Variants in PYGO1 observed in about 807,000 individuals in gnomAD.
The protein encoded by PYGO1 is pygopus homolog 1.
PYGO1 carries 6 observed loss-of-function variants against 29.5 expected under a neutral mutation model. The observed-to-expected ratio is 0.20, with a 90% CI of 0.11 to 0.40. The LOEUF (loss-of-function observed/expected upper bound fraction) is 0.40. Ranked by LOEUF, PYGO1 falls within the 10% of genes least tolerant of loss-of-function variation. The pLI is 1.00. For missense variants in PYGO1, 515 were observed against 514.9 expected (o/e 1.00, Z 0.00); for synonymous variants, 186 against 180.5 (o/e 1.03, Z -0.24).
chr15:55,569,919 C>T (rs1444537725), intron 1 of PYGO1, among the ~76,000 whole-genome samples: 1 of 152,198 alleles, frequency 6.6e-6, no homozygotes, highest in Admixed American at 6.5e-5. Context: ...TGTACACAAC[C>T]AGATTTAAAA....
chr15:55,547,044 G>A lies in PYGO1; in HGVS notation c.239C>T (p.Ser80Phe). The A allele has an allele frequency of 6.2e-7, 1 of 1,613,784 alleles. No homozygotes were observed. Among genetic ancestry groups the A allele is most frequent in the Non-Finnish European group, 8.5e-7 (1 of 1,179,756 alleles). ...ATTTGACGAAGGTAGTGGTTTATAG[G>A]AAATAGTATTATAGTTGTCATCAAA... is the stretch of plus-strand genomic sequence containing the variant. ...NPFDDNYNTI[S>F]YKPLPSSNPY... is the part of the protein sequence containing the mutation. Residue 80 changes from serine to phenylalanine, a missense_variant, in exon 3 of 3, where the codon TCC (serine) becomes TTC (phenylalanine). Ser to Phe is a radical substitution (Grantham distance 155, BLOSUM62 -2). Coordinates refer to ENST00000563719, the MANE Select transcript of PYGO1 (RefSeq NM_001367806.1).
chr15:55,559,347 T>A (rs200784563), intron 1 of PYGO1, among the ~76,000 whole-genome samples: 16,868 of 151,858 alleles, frequency 0.11, 1,790 homozygotes, highest in East Asian at 0.36. Flanking sequence ...CTGGAGAGGA[T>A]GTGGAGAAAT....
chr15:55,551,766 C>T (rs2058879738), intron 1 of PYGO1, among the ~76,000 whole-genome samples: 1 of 151,958 alleles, frequency 6.6e-6, no homozygotes, highest in Non-Finnish European at 1.5e-5. Flanking sequence ...GTGAAGATGC[C>T]ACTGCACTCT....
chr15:55,562,408 A>C (rs1030190440), intron 1 of PYGO1, among the ~76,000 whole-genome samples: 2 of 152,242 alleles, frequency 1.3e-5, no homozygotes, highest in African/African-American at 4.8e-5. Flanking sequence ...GTGGTGGCTC[A>C]TGCCTGTAAT....
chr15:55,554,326 G>A (rs1394909791), intron 1 of PYGO1, among the ~76,000 whole-genome samples: 1 of 151,952 alleles, frequency 6.6e-6, no homozygotes. Context: ...AAAATTATCA[G>A]GGTGTGGTGG....
At chr15:55,561,223 A>T (rs546327598) in intron 1 of PYGO1, among the ~76,000 whole-genome samples, 96 of 152,312 alleles carry the variant, frequency 6.3e-4, no homozygotes, top group Non-Finnish European at 1.2e-3. Context: ...TCTGACAAAA[A>T]TCTGCAATGG....
Position 55,547,088 on chromosome 15 carries a change from A to G in PYGO1, c.195T>C (p.His65=). The change falls in exon 3 of 3, where the codon CAT becomes CAC. Residue 65 remains histidine, a synonymous_variant. Transcript: ENST00000563719. Reference sequence around the variant, plus strand: ...CATCAAATGGATTAGCAGCCACTAGATGGTCAGAGTTTGGATTCGGTGGTG... The same window carrying G: ...CATCAAATGGATTAGCAGCCACTAGGTGGTCAGAGTTTGGATTCGGTGGTG... ...YAPPPNPNSD[H]LVAANPFDDN... is the part of the protein sequence containing the mutation. The G allele has an allele frequency of 6.2e-7, 1 of 1,612,332 alleles. No homozygotes were observed. Among genetic ancestry groups the G allele is most frequent in the South Asian group, 1.1e-5 (1 of 91,036 alleles).
At chr15:55,568,550 G>T (rs1404700560) in intron 1 of PYGO1, among the ~76,000 whole-genome samples, 2 of 152,106 alleles carry the variant, frequency 1.3e-5, no homozygotes, top group Admixed American at 6.5e-5. Flanking sequence ...TCAGCAAAGA[G>T]AAATAGTTTG....
Position 55,546,578 on chromosome 15 carries a change from T to A in PYGO1, c.705A>T (p.Pro235=). The A allele has an allele frequency of 6.2e-7, 1 of 1,613,874 alleles. No homozygotes were observed. Among genetic ancestry groups the A allele is most frequent in the Non-Finnish European group, 8.5e-7 (1 of 1,179,972 alleles). The change falls in exon 3 of 3, where the codon CCA becomes CCT. Residue 235 remains proline, a synonymous_variant. Coordinates refer to ENST00000563719, the MANE Select transcript of PYGO1 (RefSeq NM_001367806.1). ...CTTGAGTAAAGTCTTGTTTTGGGGG[T>A]GGTGCTTTTGCTTGACCAAAAGTGT... ...PPNTFGQAKA[P]PPKQDFTQGA... is the part of the protein sequence containing the mutation.
At chr15:55,588,656 G>C, upstream of PYGO1, 1 of 667,204 alleles carries the variant, frequency 1.5e-6, no homozygotes. Flanking sequence ...GCGCTCCCTC[G>C]CCGACCGCCA....
intron 1 of PYGO1, among the ~76,000 whole-genome samples, chr15:55,554,393 T>C (rs2141652198): frequency 6.8e-6 from 1 of 146,632 alleles, no homozygotes; most frequent in Admixed American, 6.9e-5. Flanking sequence ...GGCGTGAACA[T>C]GGGAGGTGGA....
intron 1 of PYGO1, among the ~76,000 whole-genome samples, chr15:55,577,218 A>AT: frequency 6.6e-6 from 1 of 152,280 alleles, no homozygotes; most frequent in South Asian, 2.1e-4. Context: ...TAAATTATGT[A>AT]TTCAGTGAAA....
rs1405283223 is a variant in PYGO1 at position 55,546,252 on chromosome 15, C to T, written c.1031G>A (p.Gly344Glu). Residue 344 changes from glycine to glutamate, a missense_variant, in exon 3 of 3, where the codon GGA becomes GAA. Coordinates refer to ENST00000563719, the MANE Select transcript of PYGO1 (RefSeq NM_001367806.1). The stretch of plus-strand genomic sequence containing the variant: ...ATCGTTCACCTCGTTTGTACAAATT[C>T]CACAAGGATACACTGGGTCAGAAGA... ...HSSSDPVYPC[G>E]ICTNEVNDDQ... The T allele has an allele frequency of 6.2e-6, 10 of 1,614,158 alleles. No individual in the cohort carries two copies. The highest frequency in any genetic ancestry group is 2.2e-5 in the East Asian group (1 of 44,888).
chr15:55,564,230 T>A (rs1345298738), intron 1 of PYGO1, among the ~76,000 whole-genome samples: 1 of 152,196 alleles, frequency 6.6e-6, no homozygotes, highest in Non-Finnish European at 1.5e-5. Context: ...GAAACATTAC[T>A]CAGCCATAAA....
rs748090860 is a variant in PYGO1 at position 55,546,238 on chromosome 15, C to T, written c.1045G>A (p.Glu349Lys). The T allele has an allele frequency of 6.2e-6, 10 of 1,614,164 alleles. No individual in the cohort carries two copies. The highest frequency in any genetic ancestry group is 2.2e-5 in the East Asian group (1 of 44,884). Residue 349 changes from glutamate to lysine, a missense_variant, in exon 3 of 3, where the codon GAG becomes AAG. Coordinates refer to ENST00000563719, the MANE Select transcript of PYGO1 (RefSeq NM_001367806.1). Reference sequence around the variant, plus strand: ...ATGGCATCCTGATCATCGTTCACCTCGTTTGTACAAATTCCACAAGGATAC... The same window carrying T: ...ATGGCATCCTGATCATCGTTCACCTTGTTTGTACAAATTCCACAAGGATAC... The part of the protein sequence containing the change: ...PVYPCGICTN[E>K]VNDDQDAILC...
chr15:55,545,876 G>T lies in PYGO1; in HGVS notation c.*147C>A. 1.2e-6 allele frequency: 1 copy of T among 809,356 alleles called. No individual in the cohort carries two copies. Among genetic ancestry groups the T allele is most frequent in the Non-Finnish European group, 1.8e-6 (1 of 542,502 alleles). 50.1% of individuals were successfully genotyped at this position (809,356 alleles called of 1,614,324 possible). On this transcript the variant is annotated 3_prime_UTR_variant, in exon 3 of 3. Coordinates refer to ENST00000563719, the MANE Select transcript of PYGO1 (RefSeq NM_001367806.1). The stretch of plus-strand genomic sequence containing the variant: ...AGCAAGCAAAGACAATAAAAAATTT[G>T]CTCTAGTGATGAAGTGATTAATAAA...
chr15:55,575,961 C>T (rs1239125270), intron 1 of PYGO1, among the ~76,000 whole-genome samples: 2 of 152,192 alleles, frequency 1.3e-5, no homozygotes. Context: ...AGCTAGTTCT[C>T]ACAGTTGCTA....
chr15:55,547,043 G>A lies in PYGO1; in HGVS notation c.240C>T (p.Ser80=). The change falls in exon 3 of 3, where the codon TCC becomes TCT. Residue 80 remains serine (S), a synonymous_variant. Coordinates refer to ENST00000563719, the MANE Select transcript of PYGO1 (RefSeq NM_001367806.1). ...NPFDDNYNTI[S]YKPLPSSNPY... ...GATTTGACGAAGGTAGTGGTTTATA[G>A]GAAATAGTATTATAGTTGTCATCAA... 3.1e-6 allele frequency: 5 copies of A among 1,613,796 alleles called. No individual in the cohort carries two copies. Among genetic ancestry groups the A allele is most frequent in the Non-Finnish European group, 4.2e-6 (5 of 1,179,794 alleles).
chr15:55,541,157 T>C lies in PYGO1; in HGVS notation c.*4866A>G, dbSNP rs1184598503. 6.6e-6 allele frequency: 1 copy of C among 152,220 alleles called. No homozygotes were observed. The highest frequency in any genetic ancestry group is 1.5e-5 in the Non-Finnish European group (1 of 68,032). The allele number at this position is 152,220 out of a possible 1,614,324, so 9.4% of individuals were successfully genotyped here. A position where few individuals can be genotyped will look rare whatever the true frequency, so the allele number is the denominator to read the frequency against. ...CAGGCAGCTCTGATGTATTAACGCC[T>C]GGCATATACATGGCCACAGTCTTTC... On this transcript the variant is annotated 3_prime_UTR_variant, in exon 3 of 3. Coordinates refer to ENST00000563719, the MANE Select transcript of PYGO1 (RefSeq NM_001367806.1).
Sources: allele counts gnomAD v4.1 joint callset (sites outside exome capture counted in the v4.1 genomes callset), GRCh38; gene constraint gnomAD v4.1.1; transcripts MANE v1.5; gene names NCBI Gene and HGNC (gene_info 2026-07-23, HGNC 2026-07-21).